NUP188: variants seen among roughly 807,000 people sequenced by gnomAD.
The protein encoded by NUP188 is nucleoporin 188.
NUP188 carries 97 observed loss-of-function variants against 223.0 expected under a neutral mutation model. That is an observed-to-expected ratio of 0.43 (90% CI 0.37 to 0.51). The LOEUF (loss-of-function observed/expected upper bound fraction) is 0.51, where lower values mean the gene tolerates loss of function less well. Among genes scored for constraint, NUP188 ranks in the 20% least tolerant of loss-of-function variants. The pLI is 0.00. For synonymous variants in NUP188, 869 were observed against 828.0 expected (o/e 1.05, Z -0.85); for missense variants, 1,947 against 2,175.6 (o/e 0.89, Z 2.09).
At position 128,969,530 on chromosome 9, in the gene NUP188, C is replaced by CT. The variant is rs1277835148; in HGVS notation, c.912+17dup. 6 of 1,418,096 alleles carry CT rather than the reference C, an allele frequency of 4.2e-6. No homozygotes were observed. The highest frequency in any genetic ancestry group is 4.8e-6 in the Non-Finnish European group (5 of 1,048,010). 87.8% of individuals were successfully genotyped at this position (1,418,096 alleles called of 1,614,324 possible). On this transcript the variant is annotated intron_variant, in intron 10 of 43. Coordinates refer to ENST00000372577, the MANE Select transcript of NUP188 (RefSeq NM_015354.3). ...TATTTGTCAGGTGACTTGGAATAGC[C>CT]TCTTTTTTTTCAGAGGGTTTATAAG...
intron 9 of NUP188, 95 bp from the exon 10 acceptor site, chr9:128,969,305 G>A (rs1229717240): frequency 1.3e-6 from 1 of 742,320 alleles, no homozygotes; most frequent in African/African-American, 1.8e-5. Context: ...GGCCCAATAG[G>A]TTTTTTTGAT....
At chr9:129,002,700 T>G (rs1588294697) in intron 36 of NUP188, 117 bp from the exon 37 acceptor site, 3 of 1,088,020 alleles carry the variant, frequency 2.8e-6, no homozygotes. Context: ...ACAGTGGCTG[T>G]GTCTATTCTG....
At chr9:128,984,642 C>T (rs1342532241) in intron 19 of NUP188, among the ~76,000 whole-genome samples, 3 of 152,178 alleles carry the variant, frequency 2.0e-5, no homozygotes, top group South Asian at 2.1e-4. Context: ...TGAGCATTCT[C>T]GCCTTGCTGT....
intron 8 of NUP188, 43 bp from the exon 9 acceptor site, chr9:128,968,463 C>T: frequency 1.4e-6 from 2 of 1,467,790 alleles, no homozygotes; most frequent in Non-Finnish European, 1.9e-6. Context: ...TGTTTTTAAT[C>T]TCATGTTATT....
At chr9:128,949,106 G>C in intron 1 of NUP188, 83 bp from the exon 2 acceptor site, 1 of 984,332 alleles carries the variant, frequency 1.0e-6, no homozygotes, top group Admixed American at 2.3e-5. Flanking sequence ...TGCTTTTAGA[G>C]AGCAGACAAA....
chr9:128,994,376 C>A lies in NUP188; in HGVS notation c.3021C>A (p.Pro1007=). The change falls in exon 28 of 44, where the codon CCC becomes CCA. Residue 1007 remains proline, a synonymous_variant. Coordinates refer to ENST00000372577, the MANE Select transcript of NUP188 (RefSeq NM_015354.3). ...CAAACATTTATTTCCTTTTTAGACC[C>A]AAGTTTTGGGAAAATTTAACCAGTC... ...DSAMLVLRTK[P]KFWENLTSPL... 1 of 1,610,032 alleles carries A rather than the reference C, an allele frequency of 6.2e-7. No homozygotes were observed. The highest frequency in any genetic ancestry group is 1.1e-5 in the South Asian group (1 of 90,986).
Position 128,988,138 on chromosome 9 carries a change from C to G in NUP188, c.2485C>G (p.Pro829Ala), listed in dbSNP as rs373151643. ...SVTNNVIRLK[P>A]PSNVVSPLEQ... Reference sequence around the variant, plus strand: ...CACCAACAATGTTATTCGGCTGAAACCTCCTTCTAATGTGGTGTCCCCCCT... The same window carrying G: ...CACCAACAATGTTATTCGGCTGAAAGCTCCTTCTAATGTGGTGTCCCCCCT... The change falls in exon 24 of 44, where the codon CCT becomes GCT. Residue 829 changes from proline (P) to alanine (A), a missense_variant. Pro to Ala is a conservative substitution (Grantham distance 27, BLOSUM62 -1). Coordinates refer to ENST00000372577, the MANE Select transcript of NUP188 (RefSeq NM_015354.3). 2 of 1,614,154 alleles carry G rather than the reference C, an allele frequency of 1.2e-6. No homozygotes were observed. The highest frequency in any genetic ancestry group is 1.7e-5 in the Admixed American group (1 of 60,014).
At chr9:129,003,535 T>C in intron 38 of NUP188, 81 bp downstream of exon 38, 1 of 1,467,834 alleles carries the variant, frequency 6.8e-7, no homozygotes, top group South Asian at 1.1e-5. Flanking sequence ...GGGGCACTCC[T>C]AGTGAATTGC....
At position 129,005,224 on chromosome 9, in the gene NUP188, A is replaced by C; in HGVS notation, c.4509+3A>C. Reference sequence around the variant, plus strand: ...AGATGCTGCAGCATTACTTACAGGTAAGCGTCCTATGCCATGAGGTCCTGG... The same window carrying C: ...AGATGCTGCAGCATTACTTACAGGTCAGCGTCCTATGCCATGAGGTCCTGG... On this transcript the variant is annotated splice_donor_region_variant and intron_variant, in intron 39 of 43. Transcript: ENST00000372577. 6.2e-7 allele frequency: 1 copy of C among 1,613,966 alleles called. No homozygotes were observed. Among genetic ancestry groups the C allele is most frequent in the Non-Finnish European group, 8.5e-7 (1 of 1,179,814 alleles).
chr9:128,975,592 C>T (rs1367361858), intron 12 of NUP188, among the ~76,000 whole-genome samples: 1 of 149,538 alleles, frequency 6.7e-6, no homozygotes, highest in East Asian at 2.0e-4. Context: ...GTGATCTCCA[C>T]TCACTTCAAG....
At chr9:128,977,696 T>C (rs1842195168) in intron 12 of NUP188, among the ~76,000 whole-genome samples, 1 of 151,734 alleles carries the variant, frequency 6.6e-6, no homozygotes, top group Non-Finnish European at 1.5e-5. Context: ...TTACTCGGGA[T>C]GCTGAGGCAG....
In NUP188 at chr9:129,001,612, G is replaced by A. The variant is rs201534442; in HGVS notation, c.3927G>A (p.Arg1309=). The A allele has an allele frequency of 1.2e-6, 2 of 1,613,934 alleles. No individual in the cohort carries two copies. The highest frequency in any genetic ancestry group is 2.2e-5 in the East Asian group (1 of 44,878). Residue 1309 remains arginine (R), a synonymous_variant, in exon 35 of 44, where the codon AGG becomes AGA. Coordinates refer to ENST00000372577, the MANE Select transcript of NUP188 (RefSeq NM_015354.3). ...DGDSWLQVTR[R]LPILPTLLTT... ...ACTCCTGGCTGCAGGTAACCCGCAG[G>A]CTCCCCATCCTACCCACCCTCCTCA...
chr9:128,959,699 A>C (rs533876117), intron 8 of NUP188, among the ~76,000 whole-genome samples: 11 of 149,272 alleles, frequency 7.4e-5, no homozygotes, highest in African/African-American at 2.7e-4. Flanking sequence ...CGCCCAGCTA[A>C]TTTTTTGTAT....
Position 129,005,444 on chromosome 9 carries a change from C to T in NUP188, c.4651C>T (p.Gln1551Ter). Reference sequence around the variant, plus strand: ...AGAGCAGCAGGCCTTGCACACAGTCCAGTATGGCCTTCTCAAGATCCTCAG... The same window carrying T: ...AGAGCAGCAGGCCTTGCACACAGTCTAGTATGGCCTTCTCAAGATCCTCAG... ...ASEQQALHTVQYGLLKILSKT... is the reference protein window; with the variant it reads ...ASEQQALHTV The change falls in exon 40 of 44, where the codon CAG becomes TAG. Residue 1551 changes from glutamine (Q) to a stop codon, truncating the protein, a stop_gained. Coordinates refer to ENST00000372577, the MANE Select transcript of NUP188 (RefSeq NM_015354.3). LOFTEE classifies it high-confidence loss of function. 8.1e-6 allele frequency: 13 copies of T among 1,608,112 alleles called. No individual in the cohort carries two copies. The highest frequency in any genetic ancestry group is 1.1e-5 in the Non-Finnish European group (13 of 1,180,008).
intron 12 of NUP188, among the ~76,000 whole-genome samples, chr9:128,974,888 A>G (rs1048383469): frequency 6.6e-6 from 1 of 151,560 alleles, no homozygotes; most frequent in Non-Finnish European, 1.5e-5. Context: ...CCTCCTGAGT[A>G]GCTGGGACTA....
chr9:128,947,909 G>T lies in NUP188; in HGVS notation c.32+158G>T, dbSNP rs1238818594. ...AGACGGGAGGCGGTTACGTCCAAACGGTCCCCGCGCGCGGGGATCTGAAGA... is the reference window on the plus strand; with the variant it reads ...AGACGGGAGGCGGTTACGTCCAAACTGTCCCCGCGCGCGGGGATCTGAAGA... On this transcript the variant is annotated intron_variant, in intron 1 of 43. Transcript: ENST00000372577. 10 of 562,282 alleles carry T rather than the reference G, an allele frequency of 1.8e-5. No homozygotes were observed. The East Asian group carries it at 2.1e-4, about 12-fold the overall frequency. The allele number at this position is 562,282 out of a possible 1,614,324, so 34.8% of individuals were successfully genotyped here.
chr9:129,006,292 C>T lies in NUP188; in HGVS notation c.4997C>T (p.Ala1666Val), dbSNP rs529060637. 6 of 1,614,172 alleles carry T rather than the reference C, an allele frequency of 3.7e-6. No homozygotes were observed. Among genetic ancestry groups the T allele is most frequent in the Admixed American group, 1.7e-5 (1 of 60,008 alleles). ...ENCFYLLISQ[A>V]MRYLRDPAVH... ...TGCTTCTACCTGCTCATCTCTCAGG[C>T]GATGCGGTACCTTAGGGACCCGGCT... is the stretch of plus-strand genomic sequence containing the variant. Residue 1666 changes from alanine (A) to valine (V), a missense_variant, in exon 43 of 44, where the codon GCG becomes GTG. Physicochemically the swap from Ala to Val is moderately conservative, Grantham distance 64. This residue lies in a region of NUP188 where 905 missense variants were observed against 990.6 expected (regional missense o/e 0.91). Coordinates refer to ENST00000372577, the MANE Select transcript of NUP188 (RefSeq NM_015354.3).
Position 129,006,994 on chromosome 9 carries a change from G to A in NUP188, c.*316G>A. ...GGGGAGAGGCGGCAGCCCAGCAGAG[G>A]GCTCTATGCACGGGTTTCAAACCTG... On this transcript the variant is annotated 3_prime_UTR_variant, in exon 44 of 44. Coordinates refer to ENST00000372577, the MANE Select transcript of NUP188 (RefSeq NM_015354.3). 1 of 293,470 alleles carries A rather than the reference G, an allele frequency of 3.4e-6. No individual in the cohort carries two copies. Among genetic ancestry groups the A allele is most frequent in the Non-Finnish European group, 6.3e-6 (1 of 157,810 alleles). The allele number at this position is 293,470 out of a possible 1,614,324, so 18.2% of individuals were successfully genotyped here. A position where few individuals can be genotyped will look rare whatever the true frequency, so the allele number is the denominator to read the frequency against.
Position 128,983,573 on chromosome 9 carries a change from G to A in NUP188, c.1961+23G>A, listed in dbSNP as rs200131760. The A allele has an allele frequency of 1.1e-4, 171 of 1,555,958 alleles. No individual in the cohort carries two copies. The East Asian group carries it at 1.9e-3, about 18-fold the overall frequency. ...TAGGTGAGCCAAGTCCTAGGGTGGT[G>A]GGCCATATTCCCTAGTGAGAACCAC... On this transcript the variant is annotated intron_variant, in intron 19 of 43. Coordinates refer to ENST00000372577, the MANE Select transcript of NUP188 (RefSeq NM_015354.3).
Sources: gnomAD v4.1 joint callset for allele counts (sites outside exome capture counted in the v4.1 genomes callset) on GRCh38, gnomAD v4.1.1 for gene constraint, gnomAD v4.1.1 regional missense constraint, MANE v1.5 for transcripts, NCBI Gene and HGNC (gene_info 2026-07-23, HGNC 2026-07-21) for gene names.